SIN3A: variants seen among roughly 807,000 people sequenced by gnomAD.
SIN3A encodes the protein paired amphipathic helix protein Sin3a.
SIN3A carries 14 observed loss-of-function variants against 146.1 expected under a neutral mutation model. The observed-to-expected ratio is 0.10, with a 90% CI of 0.06 to 0.15. The LOEUF (loss-of-function observed/expected upper bound fraction) is 0.15. Among genes scored for constraint, SIN3A ranks in the 10% least tolerant of loss-of-function variants. The pLI is 1.00. For missense variants in SIN3A, 1,028 were observed against 1,576.0 expected, an observed-to-expected ratio of 0.65 and a Z score of 5.89; for synonymous variants, 572 against 572.0, an observed-to-expected ratio of 1.00 and a Z score of 0.00.
intron 15 of SIN3A, among the ~76,000 whole-genome samples, chr15:75,391,565 G>C (rs573541606): frequency 6.6e-6 from 1 of 151,312 alleles, no homozygotes; most frequent in African/African-American, 2.4e-5. Context: ...TAAGAGCCCA[G>C]AAGAAATGCT....
intron 14 of SIN3A, among the ~76,000 whole-genome samples, chr15:75,394,317 A>G (rs2073263134): frequency 6.6e-6 from 1 of 152,216 alleles, no homozygotes; most frequent in Admixed American, 6.5e-5. Context: ...CAAGGATTAC[A>G]AAGAGTTTGG....
At chr15:75,437,997 C>T (rs1000373946) in intron 1 of SIN3A, among the ~76,000 whole-genome samples, 1 of 151,440 alleles carries the variant, frequency 6.6e-6, no homozygotes, top group Admixed American at 6.6e-5. Flanking sequence ...CCAGCCTGAG[C>T]GACAGAGGAA....
chr15:75,376,291 T>G, intron 19 of SIN3A: 1 of 181,822 alleles, frequency 5.5e-6, no homozygotes, highest in Non-Finnish European at 1.2e-5. Context: ...CTTATTCTCT[T>G]TAACTGCTGC....
intron 19 of SIN3A, among the ~76,000 whole-genome samples, chr15:75,379,407 C>G (rs1328420361): frequency 6.6e-6 from 1 of 152,128 alleles, no homozygotes; most frequent in Admixed American, 6.5e-5. Flanking sequence ...AGGGAAGATT[C>G]CATACACTTC....
chr15:75,384,638 C>T (rs935523491), intron 16 of SIN3A, among the ~76,000 whole-genome samples: 2 of 152,068 alleles, frequency 1.3e-5, no homozygotes, highest in Non-Finnish European at 2.9e-5. Context: ...CCAGGATTTT[C>T]AACCATATCA....
At chr15:75,376,729 G>A (rs1595886173) in intron 19 of SIN3A, among the ~76,000 whole-genome samples, 1 of 151,658 alleles carries the variant, frequency 6.6e-6, no homozygotes, top group East Asian at 1.9e-4. Context: ...GTGTGGTGAC[G>A]TGTGCCTAGA....
chr15:75,409,695 C>T, intron 8 of SIN3A, 141 bp downstream of exon 8: 3 of 880,266 alleles, frequency 3.4e-6, no homozygotes, highest in South Asian at 3.4e-5. Flanking sequence ...CCACTGCACT[C>T]CAGCTTGGGC....
chr15:75,425,273 C>T (rs182105884), intron 2 of SIN3A, among the ~76,000 whole-genome samples: 66 of 152,318 alleles, frequency 4.3e-4, no homozygotes, highest in African/African-American at 1.6e-3. Flanking sequence ...CAGGTTCAAG[C>T]GATTCTCCTG....
intron 9 of SIN3A, among the ~76,000 whole-genome samples, chr15:75,406,267 T>C (rs1407160481): frequency 6.6e-6 from 1 of 152,252 alleles, no homozygotes; most frequent in African/African-American, 2.4e-5. Flanking sequence ...ACATCATTTA[T>C]GCCAATAATC....
At chr15:75,386,967 A>T (rs1486948650) in intron 16 of SIN3A, among the ~76,000 whole-genome samples, 2 of 152,106 alleles carry the variant, frequency 1.3e-5, no homozygotes, top group Non-Finnish European at 2.9e-5. Flanking sequence ...CACCATGCCC[A>T]GCTAATTTTT....
chr15:75,406,503 C>A (rs912981408), intron 9 of SIN3A, among the ~76,000 whole-genome samples: 2 of 152,010 alleles, frequency 1.3e-5, no homozygotes, highest in Admixed American at 1.3e-4. Flanking sequence ...CTGGCTAACA[C>A]GGTGAAACCC....
chr15:75,444,409 C>T (rs561486652), intron 1 of SIN3A, among the ~76,000 whole-genome samples: 1 of 151,960 alleles, frequency 6.6e-6, no homozygotes, highest in African/African-American at 2.4e-5. Context: ...CTACTGCACT[C>T]CAGCCTGGGG....
chr15:75,400,063 G>A lies in SIN3A; in HGVS notation c.1831C>T (p.Arg611Cys). The change falls in exon 12 of 21, where the codon CGT becomes TGT. Residue 611 changes from arginine to cysteine, a missense_variant. Arg to Cys is a radical substitution (Grantham distance 180). This residue lies in a region of SIN3A where 157 missense variants were observed against 284.8 expected (regional missense o/e 0.55). Coordinates refer to ENST00000394947, the MANE Select transcript of SIN3A (RefSeq NM_001145358.2). Reference sequence around the variant, plus strand: ...ACCTCAAAGCGTTCATCTTCACAACGATAAATATGTTCTTCATATTGAGTC... The same window carrying A: ...ACCTCAAAGCGTTCATCTTCACAACAATAAATATGTTCTTCATATTGAGTC... ...KKTQYEEHIY[R>C]CEDERFELDV... 6.2e-7 allele frequency: 1 copy of A among 1,605,014 alleles called. No individual in the cohort carries two copies. The highest frequency in any genetic ancestry group is 1.3e-5 in the African/African-American group (1 of 74,784).
At position 75,394,791 on chromosome 15, in the gene SIN3A, C is replaced by G; in HGVS notation, c.2166G>C (p.Glu722Asp). 1 of 1,614,126 alleles carries G rather than the reference C, an allele frequency of 6.2e-7. No homozygotes were observed. The highest frequency in any genetic ancestry group is 8.5e-7 in the Non-Finnish European group (1 of 1,180,000). Residue 722 changes from glutamate (E) to aspartate (D), a missense_variant, in exon 14 of 21, where the codon GAG (glutamate) becomes GAC (aspartate). This residue lies in a region of SIN3A where 488 missense variants were observed against 690.2 expected (regional missense o/e 0.71). Transcript: ENST00000394947. The stretch of plus-strand genomic sequence containing the variant: ...GGTCCAGAGACTTCAAGTAGTATTT[C>G]TCATTTTGTTCTCGCCATACTTTGT... ...GFNKVWREQN[E>D]KYYLKSLDHQ...
intron 12 of SIN3A, among the ~76,000 whole-genome samples, chr15:75,398,419 T>C (rs890601083): frequency 6.6e-6 from 1 of 152,168 alleles, no homozygotes; most frequent in African/African-American, 2.4e-5. Context: ...CTCACACTTG[T>C]AATCCCAGCA....
chr15:75,393,949 A>T (rs1214337847), intron 14 of SIN3A, among the ~76,000 whole-genome samples: 1 of 152,112 alleles, frequency 6.6e-6, no homozygotes, highest in African/African-American at 2.4e-5. Flanking sequence ...CTGGGACTAC[A>T]GGTGCACACC....
chr15:75,442,775 A>G (rs1272292905), intron 1 of SIN3A, among the ~76,000 whole-genome samples: 1 of 151,918 alleles, frequency 6.6e-6, no homozygotes, highest in African/African-American at 2.4e-5. Context: ...TACTAAAAAT[A>G]CAAAAAATTA....
intron 12 of SIN3A, among the ~76,000 whole-genome samples, chr15:75,399,661 A>G (rs1326423098): frequency 1.3e-5 from 2 of 152,276 alleles, no homozygotes; most frequent in Non-Finnish European, 2.9e-5. Context: ...AAGGGTAACA[A>G]TACACACAGA....
In SIN3A at chr15:75,370,607, ACT is replaced by A. The variant is rs1491321356; in HGVS notation, c.*1370_*1371del. 6.6e-6 allele frequency: 1 copy of A among 152,124 alleles called. No homozygotes were observed. The highest frequency in any genetic ancestry group is 1.5e-5 in the Non-Finnish European group (1 of 68,020). The allele number at this position is 152,124 out of a possible 1,614,324, so 9.4% of individuals were successfully genotyped here. On this transcript the variant is annotated 3_prime_UTR_variant, in exon 21 of 21. Transcript: ENST00000394947. ...AAGGTATACCACATGCCTTATGCACACTTTTTTTTCAAACACTGGTTTGGTAT... is the reference window on the plus strand; with the variant it reads ...AAGGTATACCACATGCCTTATGCACATTTTTTTCAAACACTGGTTTGGTAT...
Sources: gnomAD v4.1 joint callset for allele counts (sites outside exome capture counted in the v4.1 genomes callset) on GRCh38, gnomAD v4.1.1 for gene constraint, gnomAD v4.1.1 regional missense constraint, MANE v1.5 for transcripts, NCBI Gene and HGNC (gene_info 2026-07-23, HGNC 2026-07-21) for gene names.